Variants in ACVR2A observed in about 807,000 individuals in gnomAD.
ACVR2A encodes the protein activin receptor type-2A.
Under a neutral mutation model 61.4 loss-of-function variants are expected in ACVR2A, and 7 were observed. The observed-to-expected ratio is 0.11, with a 90% CI of 0.06 to 0.21. ACVR2A has a LOEUF of 0.21. Among genes scored for constraint, ACVR2A ranks in the 10% least tolerant of loss-of-function variants. The pLI, the probability that ACVR2A is intolerant of heterozygous loss-of-function variation, is 1.00. For synonymous variants in ACVR2A, 193 were observed against 208.3 expected (o/e 0.93, Z 0.63); for missense variants, 322 against 621.7 (o/e 0.52, Z 5.13).
intron 4 of ACVR2A, among the ~76,000 whole-genome samples, chr2:147,913,232 G>T (rs916525923): frequency 6.6e-6 from 1 of 151,678 alleles, no homozygotes; most frequent in Non-Finnish European, 1.5e-5. Context: ...TCATGTTGTT[G>T]ATGTCCTTTA....
intron 4 of ACVR2A, among the ~76,000 whole-genome samples, chr2:147,907,208 C>T (rs542352827): frequency 3.2e-4 from 48 of 152,158 alleles, no homozygotes; most frequent in African/African-American, 9.9e-4. Context: ...CCATGGTATA[C>T]ATGTACCACA....
intron 4 of ACVR2A, among the ~76,000 whole-genome samples, chr2:147,905,444 G>A (rs1391492843): frequency 6.6e-6 from 1 of 151,744 alleles, no homozygotes; most frequent in Non-Finnish European, 1.5e-5. Flanking sequence ...CTTAGAGTTT[G>A]TATTAGGTTT....
intron 1 of ACVR2A, among the ~76,000 whole-genome samples, chr2:147,895,859 A>G (rs1035970723): frequency 2.0e-5 from 3 of 152,070 alleles, no homozygotes; most frequent in African/African-American, 7.2e-5. Flanking sequence ...GTTTTTGGGG[A>G]GTCAAAAGTT....
chr2:147,859,483 C>T (rs1452127868), intron 1 of ACVR2A, among the ~76,000 whole-genome samples: 1 of 143,610 alleles, frequency 7.0e-6, no homozygotes, highest in Admixed American at 7.0e-5. Context: ...AGAGGGTCAC[C>T]ACAGACAAAA....
intron 4 of ACVR2A, 43 bp downstream of exon 4, chr2:147,899,941 T>C: frequency 6.3e-7 from 1 of 1,582,954 alleles, no homozygotes; most frequent in Non-Finnish European, 8.6e-7. Context: ...AAATTGTATA[T>C]TTTTGAGAAA....
At chr2:147,899,227 T>C (rs375127183) in intron 2 of ACVR2A, among the ~76,000 whole-genome samples, 15 of 152,240 alleles carry the variant, frequency 9.9e-5, no homozygotes, top group East Asian at 3.9e-4. Context: ...CAATAGTCTC[T>C]AGTAGTCAGT....
chr2:147,898,664 A>G (rs1042506332), intron 2 of ACVR2A, among the ~76,000 whole-genome samples: 1 of 152,008 alleles, frequency 6.6e-6, no homozygotes, highest in African/African-American at 2.4e-5. Context: ...GATTTTTTTT[A>G]ATAGTTTTAG....
intron 1 of ACVR2A, among the ~76,000 whole-genome samples, chr2:147,854,805 G>A (rs896239724): frequency 2.0e-5 from 3 of 152,054 alleles, no homozygotes; most frequent in Admixed American, 1.3e-4. Flanking sequence ...ATACGTGCTC[G>A]GACAGAAACT....
intron 1 of ACVR2A, among the ~76,000 whole-genome samples, chr2:147,889,238 C>T (rs187658958): frequency 6.6e-6 from 1 of 152,118 alleles, no homozygotes; most frequent in Admixed American, 6.5e-5. Flanking sequence ...ACTTTTGCAC[C>T]TAAGTTAATG....
At chr2:147,917,520 T>G in intron 6 of ACVR2A, 94 bp downstream of exon 6, 1 of 1,275,362 alleles carries the variant, frequency 7.8e-7, no homozygotes, top group East Asian at 2.5e-5. Flanking sequence ...TTTCGAGACA[T>G]CTTATAGTTG....
chr2:147,905,583 T>C (rs1328850150), intron 4 of ACVR2A, among the ~76,000 whole-genome samples: 1 of 152,094 alleles, frequency 6.6e-6, no homozygotes, highest in Non-Finnish European at 1.5e-5. Context: ...TGTGTGTATG[T>C]GTATGTCTAA....
chr2:147,918,142 A>G (rs1039550289), intron 6 of ACVR2A, among the ~76,000 whole-genome samples: 3 of 151,604 alleles, frequency 2.0e-5, no homozygotes, highest in Admixed American at 6.6e-5. Context: ...AATATTTTCT[A>G]GAACCTTAGA....
intron 1 of ACVR2A, among the ~76,000 whole-genome samples, chr2:147,866,345 G>A (rs1017763369): frequency 3.9e-5 from 6 of 152,150 alleles, no homozygotes; most frequent in African/African-American, 9.7e-5. Flanking sequence ...CATAGGAACC[G>A]CATGGAGATA....
upstream of ACVR2A, chr2:147,844,665 C>T (rs1685252613): frequency 6.5e-6 from 1 of 154,444 alleles, no homozygotes; most frequent in East Asian, 1.9e-4. Flanking sequence ...GCCGCGAGCT[C>T]GGCCGCCAGT....
chr2:147,878,557 G>A (rs72853870), intron 1 of ACVR2A, among the ~76,000 whole-genome samples: 1,521 of 152,088 alleles, frequency 0.01, 15 homozygotes, highest in Admixed American at 0.016. Context: ...AGTTTGAGGG[G>A]AAGACTGCCC....
intron 4 of ACVR2A, among the ~76,000 whole-genome samples, chr2:147,912,161 T>G (rs1687135876): frequency 6.6e-6 from 1 of 151,990 alleles, no homozygotes; most frequent in Non-Finnish European, 1.5e-5. Flanking sequence ...CTCTAATAAT[T>G]TATTCCACTG....
intron 1 of ACVR2A, among the ~76,000 whole-genome samples, chr2:147,859,424 C>G (rs1319956432): frequency 1.3e-5 from 2 of 150,206 alleles, no homozygotes; most frequent in Non-Finnish European, 3.0e-5. Context: ...AAAGTAGTTT[C>G]TTTTAAAACT....
rs150164884 is a variant in ACVR2A, at chr2:147,925,067, T to A, written c.1217-964T>A. On this transcript the variant is annotated intron_variant, in intron 9 of 10. Transcript: ENST00000241416. ...TTTCAAGAGCTTCACAAAATTTGTG[T>A]TTATGCACACATACATCTATCTGGT... 6.3e-4 allele frequency among the ~76,000 whole-genome samples: 96 copies of A among 152,162 alleles called. No individual in the cohort carries two copies. In the East Asian group the frequency reaches 0.015, roughly 24 times the overall value.
At chr2:147,926,224 T>A in intron 10 of ACVR2A, 63 bp downstream of exon 10, 1 of 1,557,602 alleles carries the variant, frequency 6.4e-7, no homozygotes, top group Non-Finnish European at 8.7e-7. Flanking sequence ...AGGAATTATT[T>A]ATCTCTGCAC....
Sources: gnomAD v4.1 joint callset for allele counts (sites outside exome capture counted in the v4.1 genomes callset) on GRCh38, gnomAD v4.1.1 for gene constraint, MANE v1.5 for transcripts, NCBI Gene and HGNC (gene_info 2026-07-23, HGNC 2026-07-21) for gene names.